MAP4: variants seen among roughly 807,000 people sequenced by gnomAD.
The protein encoded by MAP4 is microtubule associated protein 4.
MAP4 carries 76 observed loss-of-function variants against 170.2 expected under a neutral mutation model. The observed-to-expected ratio is 0.45, with a 90% CI of 0.37 to 0.54. The LOEUF (loss-of-function observed/expected upper bound fraction) is 0.54, where lower values mean the gene tolerates loss of function less well. MAP4 is among the 20% of genes least tolerant of loss of function. The pLI is 0.00. For synonymous variants in MAP4, 909 were observed against 994.5 expected, an observed-to-expected ratio of 0.91 and a Z score of 1.62; for missense variants, 2,506 against 2,748.0, an observed-to-expected ratio of 0.91 and a Z score of 1.97.
intron 2 of MAP4, among the ~76,000 whole-genome samples, chr3:47,997,375 G>A (rs2100096541): frequency 8.8e-6 from 1 of 113,048 alleles, no homozygotes; most frequent in African/African-American, 3.4e-5. Flanking sequence ...ACACAAAGAG[G>A]AATTCACAAA....
chr3:48,038,617 C>T (rs1559836048), intron 1 of MAP4, among the ~76,000 whole-genome samples: 1 of 152,032 alleles, frequency 6.6e-6, no homozygotes, highest in African/African-American at 2.4e-5. Context: ...CCTGCCACCA[C>T]GCCCAGCTAA....
chr3:47,936,980 CAAAA>C (rs10711611), intron 3 of MAP4, among the ~76,000 whole-genome samples: 1 of 94,404 alleles, frequency 1.1e-5, no homozygotes. Flanking sequence ...AACTCCGTCT[CAAAA>C]AAAAAAAAAA....
At chr3:47,872,132 A>G in intron 12 of MAP4, 32 bp from the exon 13 acceptor site, 1 of 1,578,540 alleles carries the variant, frequency 6.3e-7, no homozygotes, top group Non-Finnish European at 8.6e-7. Context: ...TGAGGCCTGC[A>G]GGTCAGCAAT....
chr3:48,072,244 A>C (rs111267842), intron 1 of MAP4, among the ~76,000 whole-genome samples: 2 of 152,214 alleles, frequency 1.3e-5, no homozygotes, highest in African/African-American at 4.8e-5. Context: ...ACGCTGGCTC[A>C]TGCCTGTAAT....
intron 1 of MAP4, among the ~76,000 whole-genome samples, chr3:48,064,572 A>G (rs1179628912): frequency 6.6e-6 from 1 of 152,120 alleles, no homozygotes; most frequent in Admixed American, 6.6e-5. Context: ...TGTAATTCCC[A>G]TCTTGATAAA....
At chr3:47,872,357 G>T (rs1029679617) in intron 12 of MAP4, among the ~76,000 whole-genome samples, 1 of 152,046 alleles carries the variant, frequency 6.6e-6, no homozygotes, top group Non-Finnish European at 1.5e-5. Context: ...CTAATTTTTT[G>T]TATTTTTAGT....
intron 1 of MAP4, among the ~76,000 whole-genome samples, chr3:48,043,688 C>T (rs2100122839): frequency 6.6e-6 from 1 of 152,080 alleles, no homozygotes; most frequent in African/African-American, 2.4e-5. Flanking sequence ...TTAGGGGGTA[C>T]CCCTAAAAAC....
chr3:47,866,867 G>C (rs185003397), intron 17 of MAP4, among the ~76,000 whole-genome samples: 13 of 152,276 alleles, frequency 8.5e-5, no homozygotes, highest in Admixed American at 1.3e-4. Context: ...TCTCAGAGAA[G>C]TTACTTCCAC....
In MAP4 at chr3:47,955,309, A is replaced by G. The variant is rs557134835; in HGVS notation, c.292+22556T>C. Among the ~76,000 whole-genome samples, 35 of 152,164 alleles carry G rather than the reference A, an allele frequency of 2.3e-4. No homozygotes were observed. The South Asian group carries it at 7.1e-3, about 31-fold the overall frequency. ...AATCTGCAAGAACCACCAGAAGCAC[A>G]TTGCTTTTACCTGCCTTTTACGTGC... On this transcript the variant is annotated intron_variant, in intron 3 of 20. Coordinates refer to ENST00000683076, the MANE Select transcript of MAP4 (RefSeq NM_001385682.1).
At chr3:48,015,321 T>G (rs72925466) in intron 1 of MAP4, among the ~76,000 whole-genome samples, 1,725 of 152,228 alleles carry the variant, frequency 0.011, 34 homozygotes, top group African/African-American at 0.038. Flanking sequence ...CAAGGAACCA[T>G]AAAGATATCT....
chr3:48,066,752 C>T (rs1459352735), intron 1 of MAP4, among the ~76,000 whole-genome samples: 2 of 150,834 alleles, frequency 1.3e-5, no homozygotes, highest in Admixed American at 1.3e-4. Context: ...CCCATGAATA[C>T]CGAGGGACAA....
At chr3:47,891,540 T>C in intron 10 of MAP4, 1 of 1,524,590 alleles carries the variant, frequency 6.6e-7, no homozygotes, top group Non-Finnish European at 8.8e-7. Context: ...TCAGGGTACT[T>C]ATCTGCAAGG....
At chr3:47,868,302 C>A (rs2084261169) in intron 16 of MAP4, among the ~76,000 whole-genome samples, 1 of 152,194 alleles carries the variant, frequency 6.6e-6, no homozygotes, top group Non-Finnish European at 1.5e-5. Context: ...CCACAGAGTA[C>A]AGAAATCCTG....
At chr3:47,896,539 A>C (rs529718090) in intron 10 of MAP4, among the ~76,000 whole-genome samples, 3 of 152,246 alleles carry the variant, frequency 2.0e-5, no homozygotes, top group African/African-American at 7.2e-5. Context: ...CCAAACAAAC[A>C]AACAAAAAAA....
intron 10 of MAP4, among the ~76,000 whole-genome samples, chr3:47,886,670 G>C (rs1397551740): frequency 6.6e-6 from 1 of 152,170 alleles, no homozygotes; most frequent in East Asian, 1.9e-4. Flanking sequence ...GTCTGATGTG[G>C]AACTTACTAA....
At chr3:47,875,591 C>T in intron 12 of MAP4, 94 bp downstream of exon 12, 1 of 1,169,978 alleles carries the variant, frequency 8.5e-7, no homozygotes, top group Non-Finnish European at 1.2e-6. Flanking sequence ...ATTCCACCAG[C>T]CTGATTCTGT....
At chr3:48,026,131 T>C (rs2100113011) in intron 1 of MAP4, among the ~76,000 whole-genome samples, 1 of 152,148 alleles carries the variant, frequency 6.6e-6, no homozygotes, top group Non-Finnish European at 1.5e-5. Flanking sequence ...TCAAAATTAG[T>C]GACTATTAGG....
intron 3 of MAP4, among the ~76,000 whole-genome samples, chr3:47,954,897 G>T (rs944169714): frequency 1.3e-5 from 2 of 152,084 alleles, no homozygotes; most frequent in African/African-American, 4.8e-5. Flanking sequence ...CTCCCATATT[G>T]GCTTTCTGAC....
chr3:48,019,087 C>T (rs939066035), upstream of MAP4, among the ~76,000 whole-genome samples: 2 of 152,146 alleles, frequency 1.3e-5, no homozygotes, highest in Non-Finnish European at 2.9e-5. Flanking sequence ...CCTGTAATCC[C>T]AGAACTCTGG....
Sources: allele counts gnomAD v4.1 joint callset (sites outside exome capture counted in the v4.1 genomes callset), GRCh38; gene constraint gnomAD v4.1.1; transcripts MANE v1.5; gene names NCBI Gene and HGNC (gene_info 2026-07-23, HGNC 2026-07-21).